Variants in CFAP221 observed in about 807,000 individuals in gnomAD.
The protein encoded by CFAP221 is cilia- and flagella-associated protein 221.
In CFAP221, 97 loss-of-function variants were observed where a neutral mutation model predicts 113.1. That is an observed-to-expected ratio of 0.86 (90% CI 0.73 to 1.02). The LOEUF (loss-of-function observed/expected upper bound fraction) is 1.02, where lower values mean the gene tolerates loss of function less well. Ranked by LOEUF, CFAP221 falls within the 50% of genes least tolerant of loss-of-function variation. CFAP221 has a pLI of 0.00. For missense variants in CFAP221, 1,025 were observed against 1,013.4 expected (o/e 1.01, Z -0.16); for synonymous variants, 331 against 354.4 (o/e 0.93, Z 0.74).
downstream of CFAP221, among the ~76,000 whole-genome samples, chr2:119,658,605 G>A (rs1688525349): frequency 6.6e-6 from 1 of 151,016 alleles, no homozygotes; most frequent in Non-Finnish European, 1.5e-5. Context: ...TTTATACTGA[G>A]CCCCCCTCAA....
chr2:119,649,113 T>C (rs146496417), intron 22 of CFAP221, among the ~76,000 whole-genome samples: 1 of 152,364 alleles, frequency 6.6e-6, no homozygotes, highest in African/African-American at 2.4e-5. Flanking sequence ...ATTGTGCCTA[T>C]ACATGGTCTT....
intron 21 of CFAP221, among the ~76,000 whole-genome samples, chr2:119,640,745 AC>A (rs1574215203): frequency 6.6e-6 from 1 of 152,214 alleles, no homozygotes; most frequent in East Asian, 1.9e-4. Flanking sequence ...TCTGCCACCA[AC>A]CAAGATCAGT....
chr2:119,602,956 T>A (rs1574103727), intron 8 of CFAP221, among the ~76,000 whole-genome samples: 1 of 152,338 alleles, frequency 6.6e-6, no homozygotes, highest in East Asian at 1.9e-4. Context: ...TATGTTAGTA[T>A]CTTATCTGGT....
intron 3 of CFAP221, among the ~76,000 whole-genome samples, chr2:119,557,988 A>G (rs572907040): frequency 6.6e-6 from 1 of 150,552 alleles, no homozygotes; most frequent in African/African-American, 2.4e-5. Flanking sequence ...GCACCCCTAG[A>G]GTGCAGATTG....
chr2:119,591,887 G>A (rs1683623130), intron 7 of CFAP221, among the ~76,000 whole-genome samples: 1 of 151,910 alleles, frequency 6.6e-6, no homozygotes, highest in Non-Finnish European at 1.5e-5. Flanking sequence ...CAGAAAACAG[G>A]CAACAGCAAC....
chr2:119,601,484 T>C, intron 8 of CFAP221, 107 bp downstream of exon 8: 1 of 1,067,616 alleles, frequency 9.4e-7, no homozygotes, highest in East Asian at 2.7e-5. Flanking sequence ...CATCAAAAAC[T>C]TATTTAAAAT....
chr2:119,595,283 G>A (rs1457649911), intron 7 of CFAP221, among the ~76,000 whole-genome samples: 4 of 152,216 alleles, frequency 2.6e-5, no homozygotes, highest in African/African-American at 4.8e-5. Context: ...CCAGGGCTGT[G>A]ACTCTTACTT....
intron 6 of CFAP221, among the ~76,000 whole-genome samples, chr2:119,586,410 A>C (rs1391230584): frequency 1.3e-5 from 2 of 152,166 alleles, no homozygotes; most frequent in Admixed American, 6.5e-5. Context: ...GCACTCCAAG[A>C]AATGCCACTG....
At chr2:119,651,205 C>T (rs541514225) in intron 22 of CFAP221, among the ~76,000 whole-genome samples, 6 of 152,334 alleles carry the variant, frequency 3.9e-5, no homozygotes, top group African/African-American at 1.4e-4. Flanking sequence ...GAAACCCAAA[C>T]ATGCAGTGGC....
At chr2:119,655,268 G>A (rs1170156125) in intron 23 of CFAP221, among the ~76,000 whole-genome samples, 1 of 152,166 alleles carries the variant, frequency 6.6e-6, no homozygotes, top group Admixed American at 6.5e-5. Flanking sequence ...AAATGTTCAA[G>A]GAACTGTGAG....
intron 11 of CFAP221, among the ~76,000 whole-genome samples, chr2:119,607,449 T>C (rs918845134): frequency 6.6e-6 from 1 of 152,242 alleles, no homozygotes; most frequent in South Asian, 2.1e-4. Flanking sequence ...AAATCATAAC[T>C]ATTATTTATT....
chr2:119,588,594 C>T (rs911791481), intron 7 of CFAP221, among the ~76,000 whole-genome samples: 3 of 152,152 alleles, frequency 2.0e-5, no homozygotes, highest in Admixed American at 1.3e-4. Context: ...TTAAAAAAAT[C>T]ATGCAGGCCT....
At chr2:119,646,225 A>G (rs893641730) in intron 21 of CFAP221, among the ~76,000 whole-genome samples, 3 of 152,142 alleles carry the variant, frequency 2.0e-5, no homozygotes, top group Non-Finnish European at 4.4e-5. Context: ...CCAAAAGTAA[A>G]CTACCTGTAT....
intron 7 of CFAP221, among the ~76,000 whole-genome samples, chr2:119,600,276 C>T (rs1558948561): frequency 6.6e-6 from 1 of 152,164 alleles, no homozygotes; most frequent in Non-Finnish European, 1.5e-5. Flanking sequence ...GAATTAGGCA[C>T]AGTGTGATAT....
At chr2:119,595,111 C>A (rs1349176566) in intron 7 of CFAP221, among the ~76,000 whole-genome samples, 1 of 152,250 alleles carries the variant, frequency 6.6e-6, no homozygotes, top group Admixed American at 6.5e-5. Context: ...GGTCCAAGGT[C>A]ACAGACAGTG....
At chr2:119,546,402 C>T (rs1680055439) in intron 2 of CFAP221, 132 bp downstream of exon 2, 15 of 1,062,080 alleles carry the variant, frequency 1.4e-5, no homozygotes, top group Non-Finnish European at 2.0e-5. Context: ...ATTTTTATTA[C>T]TAAGAACAGT....
chr2:119,603,829 G>A (rs114017466), intron 8 of CFAP221, among the ~76,000 whole-genome samples: 4,196 of 152,178 alleles, frequency 0.028, 71 homozygotes, highest in Non-Finnish European at 0.041. Flanking sequence ...TGCTTCAAAG[G>A]TAGCATTTCT....
chr2:119,549,984 A>G (rs1438106736), intron 3 of CFAP221, among the ~76,000 whole-genome samples: 1 of 152,190 alleles, frequency 6.6e-6, no homozygotes, highest in African/African-American at 2.4e-5. Context: ...CTGTGCGTAA[A>G]TGGACCTGAA....
At chr2:119,592,212 T>C (rs1347927728) in intron 7 of CFAP221, among the ~76,000 whole-genome samples, 2 of 152,190 alleles carry the variant, frequency 1.3e-5, no homozygotes, top group Admixed American at 1.3e-4. Context: ...TCATATGATA[T>C]GTAAAAATGA....
Sources: allele counts gnomAD v4.1 joint callset (sites outside exome capture counted in the v4.1 genomes callset), GRCh38; gene constraint gnomAD v4.1.1; transcripts MANE v1.5; gene names NCBI Gene and HGNC (gene_info 2026-07-23, HGNC 2026-07-21).